Variants in NPAS3 observed in about 807,000 individuals in gnomAD.
NPAS3 encodes the protein neuronal PAS domain-containing protein 3.
A neutral mutation model predicts 73.1 loss-of-function variants in NPAS3; 14 were observed. That is an observed-to-expected ratio of 0.19 (90% confidence interval 0.13 to 0.30). NPAS3 has a LOEUF of 0.30. NPAS3 is among the 10% of genes least tolerant of loss of function. NPAS3 has a pLI of 1.00. For synonymous variants in NPAS3, 620 were observed against 541.5 expected, an observed-to-expected ratio of 1.14 and a Z score of -2.01; for missense variants, 1,096 against 1,250.0, an observed-to-expected ratio of 0.88 and a Z score of 1.86.
At chr14:33,145,083 G>A (rs186600584) in intron 2 of NPAS3, among the ~76,000 whole-genome samples, 183 of 152,226 alleles carry the variant, frequency 1.2e-3, no homozygotes, top group African/African-American at 4.1e-3. Flanking sequence ...AAGTTACAGG[G>A]GAGATATTTG....
intron 1 of NPAS3, among the ~76,000 whole-genome samples, chr14:32,963,946 G>A (rs1189018100): frequency 3.3e-5 from 5 of 151,786 alleles, no homozygotes; most frequent in Admixed American, 6.6e-5. Flanking sequence ...TTAATTAATG[G>A]AAGATTCAGT....
At chr14:33,416,772 C>T (rs918701350) in intron 4 of NPAS3, among the ~76,000 whole-genome samples, 8 of 151,750 alleles carry the variant, frequency 5.3e-5, no homozygotes, top group Non-Finnish European at 7.4e-5. Context: ...AAAATGAAAC[C>T]GATTGTTTAT....
chr14:33,192,139 G>C (rs977094546), intron 2 of NPAS3, among the ~76,000 whole-genome samples: 9 of 152,106 alleles, frequency 5.9e-5, no homozygotes, highest in African/African-American at 1.9e-4. Flanking sequence ...GAAGTGACTA[G>C]GAGACCTTAG....
At chr14:33,462,407 T>C (rs1294187572) in intron 4 of NPAS3, among the ~76,000 whole-genome samples, 8 of 152,172 alleles carry the variant, frequency 5.3e-5, no homozygotes, top group Admixed American at 5.2e-4. Context: ...TAACTAGTTC[T>C]GGCCAATGAG....
intron 3 of NPAS3, among the ~76,000 whole-genome samples, chr14:33,235,800 C>G (rs1594469906): frequency 9.6e-6 from 1 of 103,770 alleles, no homozygotes. Flanking sequence ...TCTGTTGATA[C>G]AATTCTTTTT....
chr14:33,084,114 C>T (rs2041947633), intron 2 of NPAS3, among the ~76,000 whole-genome samples: 1 of 152,146 alleles, frequency 6.6e-6, no homozygotes, highest in African/African-American at 2.4e-5. Flanking sequence ...GTAATCACAT[C>T]ACCCAAAATA....
chr14:33,142,113 C>T (rs182587451), intron 2 of NPAS3, among the ~76,000 whole-genome samples: 3 of 149,020 alleles, frequency 2.0e-5, no homozygotes, highest in African/African-American at 7.4e-5. Context: ...GTTATTAAGG[C>T]TGTAACATTT....
intron 3 of NPAS3, among the ~76,000 whole-genome samples, chr14:33,237,881 C>T (rs1299694241): frequency 6.6e-6 from 1 of 151,368 alleles, no homozygotes; most frequent in Non-Finnish European, 1.5e-5. Context: ...ATAATTATAA[C>T]ATTAAAATGA....
At chr14:32,975,632 G>A (rs2037633855) in intron 1 of NPAS3, among the ~76,000 whole-genome samples, 1 of 152,162 alleles carries the variant, frequency 6.6e-6, no homozygotes, top group Non-Finnish European at 1.5e-5. Flanking sequence ...TTGAGCAAAA[G>A]TTGCTCACAG....
intron 3 of NPAS3, among the ~76,000 whole-genome samples, chr14:33,334,634 A>C (rs553239899): frequency 9.3e-4 from 141 of 152,320 alleles, no homozygotes; most frequent in African/African-American, 2.4e-3. Context: ...TTCGAGTCAA[A>C]GATGAGTCTT....
chr14:33,175,727 A>C (rs896867172), intron 2 of NPAS3, among the ~76,000 whole-genome samples: 1 of 152,186 alleles, frequency 6.6e-6, no homozygotes, highest in African/African-American at 2.4e-5. Context: ...TTTTACATAC[A>C]ACATCCCAAT....
chr14:32,970,254 A>G (rs1477646069), intron 1 of NPAS3, among the ~76,000 whole-genome samples: 1 of 152,192 alleles, frequency 6.6e-6, no homozygotes, highest in African/African-American at 2.4e-5. Flanking sequence ...ATTTTTGAGA[A>G]AAGACAAAAT....
chr14:33,289,958 T>A (rs1364080962), intron 3 of NPAS3, among the ~76,000 whole-genome samples: 1 of 152,200 alleles, frequency 6.6e-6, no homozygotes, highest in East Asian at 1.9e-4. Flanking sequence ...AGGCTTCAGT[T>A]TCCCCATGGA....
chr14:32,995,135 C>T (rs932949817), intron 1 of NPAS3, among the ~76,000 whole-genome samples: 2 of 152,206 alleles, frequency 1.3e-5, no homozygotes, highest in African/African-American at 4.8e-5. Context: ...GGCTCAAACC[C>T]TCATCCGTTG....
intron 4 of NPAS3, among the ~76,000 whole-genome samples, chr14:33,519,715 A>G (rs959799060): frequency 6.6e-6 from 1 of 152,178 alleles, no homozygotes; most frequent in Non-Finnish European, 1.5e-5. Flanking sequence ...ATGGCTTCTT[A>G]TCACATCTTC....
chr14:33,220,725 G>A (rs1594429912), intron 3 of NPAS3, among the ~76,000 whole-genome samples: 1 of 152,050 alleles, frequency 6.6e-6, no homozygotes, highest in Non-Finnish European at 1.5e-5. Flanking sequence ...GTGAACTCTT[G>A]ATCATTGAAT....
At chr14:33,285,694 G>C (rs542503571) in intron 3 of NPAS3, among the ~76,000 whole-genome samples, 18 of 152,322 alleles carry the variant, frequency 1.2e-4, no homozygotes, top group African/African-American at 4.1e-4. Flanking sequence ...ACACCCTCCT[G>C]TTACAGATCC....
At chr14:33,368,009 G>C (rs181848436) in intron 4 of NPAS3, among the ~76,000 whole-genome samples, 3 of 152,106 alleles carry the variant, frequency 2.0e-5, no homozygotes, top group East Asian at 3.9e-4. Context: ...CCTGCTCCCA[G>C]GATAAATGTT....
At chr14:33,356,427 C>A (rs961037456) in intron 3 of NPAS3, among the ~76,000 whole-genome samples, 2 of 152,224 alleles carry the variant, frequency 1.3e-5, no homozygotes, top group African/African-American at 4.8e-5. Flanking sequence ...AGGGGAGGAG[C>A]AGTGTATAAT....
Sources: gnomAD v4.1 joint callset for allele counts (sites outside exome capture counted in the v4.1 genomes callset) on GRCh38, gnomAD v4.1.1 for gene constraint, MANE v1.5 for transcripts, NCBI Gene and HGNC (gene_info 2026-07-23, HGNC 2026-07-21) for gene names.